Variants in PCSK5 observed in about 807,000 individuals in gnomAD.
The protein encoded by PCSK5 is proprotein convertase subtilisin/kexin type 5, also known as prohormone convertase 5.
A neutral mutation model predicts 233.2 loss-of-function variants in PCSK5; 129 were observed. That is an observed-to-expected ratio of 0.55 (90% CI 0.48 to 0.64). The LOEUF is 0.64. Among genes scored for constraint, PCSK5 ranks in the 30% least tolerant of loss-of-function variants. The probability of loss-of-function intolerance (pLI) is 0.00; values close to 1 mark genes in which losing one functional copy is unlikely to be tolerated. For synonymous variants in PCSK5, 825 were observed against 879.2 expected (o/e 0.94, Z 1.09); for missense variants, 2,076 against 2,430.1 (o/e 0.85, Z 3.06).
intron 2 of PCSK5, among the ~76,000 whole-genome samples, chr9:75,933,779 G>A (rs1026774162): frequency 2.6e-5 from 4 of 152,142 alleles, no homozygotes; most frequent in Non-Finnish European, 5.9e-5. Flanking sequence ...AATTTTTCTG[G>A]AAAGGCAGTC....
At chr9:76,237,411 T>C (rs149757225) in intron 22 of PCSK5, among the ~76,000 whole-genome samples, 1 of 152,234 alleles carries the variant, frequency 6.6e-6, no homozygotes, top group African/African-American at 2.4e-5. Context: ...AGCCTTCTAG[T>C]AGAAAATCAC....
intron 5 of PCSK5, among the ~76,000 whole-genome samples, chr9:76,045,912 A>G (rs1829352379): frequency 6.6e-6 from 1 of 152,046 alleles, no homozygotes; most frequent in African/African-American, 2.4e-5. Flanking sequence ...CTCACTTCTG[A>G]GAGATTGTTA....
rs1160240301 is a variant in PCSK5, at chr9:76,200,412, C to A, written c.2626+10666C>A. Among the ~76,000 whole-genome samples, 4 of 152,136 alleles carry A rather than the reference C, an allele frequency of 2.6e-5. No individual in the cohort carries two copies. In the South Asian group the frequency reaches 8.3e-4, roughly 32 times the overall value. On this transcript the variant is annotated intron_variant, in intron 20 of 37. Transcript: ENST00000674117. Reference sequence around the variant, plus strand: ...TCTGAGCAGTTCCTTCCACCACTGACCCCACACCTGCCCACCTCGTTTTGA... The same window carrying A: ...TCTGAGCAGTTCCTTCCACCACTGAACCCACACCTGCCCACCTCGTTTTGA...
At chr9:76,018,906 C>A (rs991640561) in intron 3 of PCSK5, among the ~76,000 whole-genome samples, 5 of 152,190 alleles carry the variant, frequency 3.3e-5, no homozygotes, top group Non-Finnish European at 7.3e-5. Context: ...CCAACATCCG[C>A]GCCTTATCTA....
intron 5 of PCSK5, among the ~76,000 whole-genome samples, chr9:76,059,751 T>A (rs1241525663): frequency 6.6e-6 from 1 of 152,120 alleles, no homozygotes; most frequent in African/African-American, 2.4e-5. Flanking sequence ...GGTTTAAGAA[T>A]TCCTAGAAAG....
chr9:76,351,447 G>GAAAGAAAGAAA, intron 36 of PCSK5, among the ~76,000 whole-genome samples: 1 of 27,470 alleles, frequency 3.6e-5, no homozygotes, highest in South Asian at 2.0e-3. Flanking sequence ...GTGAAAGAAA[G>GAAAGAAAGAAA]GAAAGAAAGA....
chr9:76,258,101 A>T (rs1184078298), intron 24 of PCSK5, among the ~76,000 whole-genome samples: 1 of 152,128 alleles, frequency 6.6e-6, no homozygotes, highest in Non-Finnish European at 1.5e-5. Flanking sequence ...GTCCCCACTC[A>T]ATCAGATCAC....
intron 12 of PCSK5, among the ~76,000 whole-genome samples, chr9:76,168,310 G>A (rs1269209566): frequency 5.9e-5 from 9 of 152,004 alleles, no homozygotes; most frequent in East Asian, 1.9e-4. Flanking sequence ...CACCATACCC[G>A]GCTAATTTTT....
chr9:76,088,529 C>T (rs1831154716), intron 7 of PCSK5, among the ~76,000 whole-genome samples: 1 of 152,184 alleles, frequency 6.6e-6, no homozygotes, highest in Non-Finnish European at 1.5e-5. Context: ...CTCTACATTG[C>T]ATTGGACAAA....
chr9:75,911,578 C>T (rs1822740547), intron 1 of PCSK5, among the ~76,000 whole-genome samples: 1 of 152,178 alleles, frequency 6.6e-6, no homozygotes, highest in African/African-American at 2.4e-5. Flanking sequence ...ACCCGAAACT[C>T]AGTGGTTTAA....
rs756594516 is a variant in PCSK5 at position 76,157,153 on chromosome 9, G to A, written c.1421G>A (p.Arg474Gln). The A allele has an allele frequency of 6.2e-6, 10 of 1,608,484 alleles. No individual in the cohort carries two copies. The highest frequency in any genetic ancestry group is 4.4e-5 in the South Asian group (4 of 90,904). The change falls in exon 11 of 38, where the codon CGA becomes CAA. Residue 474 changes from arginine to glutamine, a missense_variant. Transcript: ENST00000674117. ...RQHVCVESTD[R>Q]QIKTIRPNSA... ...CACGTGTGTGTGGAGAGCACAGACCGACAAATCAAGTAATGCTTGCTGCCG... is the reference window on the plus strand; with the variant it reads ...CACGTGTGTGTGGAGAGCACAGACCAACAAATCAAGTAATGCTTGCTGCCG...
At chr9:76,278,683 GTCTA>G (rs56801047) in intron 24 of PCSK5, among the ~76,000 whole-genome samples, 20,290 of 151,706 alleles carry the variant, frequency 0.13, 1,916 homozygotes, top group African/African-American at 0.27. Flanking sequence ...ATCTCTATCT[GTCTA>G]TCTATCTATC....
intron 24 of PCSK5, among the ~76,000 whole-genome samples, chr9:76,259,580 A>G (rs1827100073): frequency 6.6e-6 from 1 of 152,044 alleles, no homozygotes; most frequent in African/African-American, 2.4e-5. Flanking sequence ...TGTGTGTCGT[A>G]TTTCTTCCCT....
At chr9:76,333,371 A>G (rs1829589808) in intron 34 of PCSK5, among the ~76,000 whole-genome samples, 1 of 152,168 alleles carries the variant, frequency 6.6e-6, no homozygotes, top group Non-Finnish European at 1.5e-5. Context: ...GTGAGTGTGG[A>G]ACATTGATTT....
At chr9:76,041,862 T>G (rs1232217617) in intron 5 of PCSK5, among the ~76,000 whole-genome samples, 1 of 143,060 alleles carries the variant, frequency 7.0e-6, no homozygotes, top group Non-Finnish European at 1.5e-5. Context: ...AAAAAAAAGA[T>G]TTTATAATGT....
chr9:76,022,838 T>C (rs1587510971), intron 3 of PCSK5, among the ~76,000 whole-genome samples: 1 of 152,340 alleles, frequency 6.6e-6, no homozygotes, highest in Middle Eastern at 3.4e-3. Context: ...GTTCTTCTTT[T>C]CCTTCTCAAA....
chr9:75,979,108 C>A (rs1056790932), intron 2 of PCSK5, among the ~76,000 whole-genome samples: 2 of 152,026 alleles, frequency 1.3e-5, no homozygotes, highest in Non-Finnish European at 2.9e-5. Flanking sequence ...CCCACCTTGG[C>A]CTCCCAAAGT....
At chr9:76,106,744 C>T (rs1831995930) in intron 8 of PCSK5, among the ~76,000 whole-genome samples, 1 of 152,220 alleles carries the variant, frequency 6.6e-6, no homozygotes, top group South Asian at 2.1e-4. Context: ...CTTTCTACAG[C>T]AGAGCATACT....
intron 21 of PCSK5, among the ~76,000 whole-genome samples, chr9:76,231,280 A>G (rs1233294611): frequency 1.3e-5 from 2 of 152,156 alleles, no homozygotes; most frequent in African/African-American, 4.8e-5. Context: ...CGAGAACAGC[A>G]TGAGGATAAC....
Sources: gnomAD v4.1 joint callset for allele counts (sites outside exome capture counted in the v4.1 genomes callset) on GRCh38, gnomAD v4.1.1 for gene constraint, MANE v1.5 for transcripts, NCBI Gene and HGNC (gene_info 2026-07-23, HGNC 2026-07-21) for gene names.